The following LRRC7 variants were observed in gnomAD, a reference collection of about 807,000 sequenced individuals.
LRRC7 encodes the protein leucine rich repeat containing 7.
A neutral mutation model predicts 175.7 loss-of-function variants in LRRC7; 23 were observed. The ratio of observed to expected loss-of-function variants is 0.13; its 90% CI spans 0.09 to 0.19. The LOEUF (loss-of-function observed/expected upper bound fraction) is 0.19, where lower values mean the gene tolerates loss of function less well. Among genes scored for constraint, LRRC7 ranks in the 10% least tolerant of loss-of-function variants. LRRC7 has a pLI of 1.00. For missense variants in LRRC7, 1,354 were observed against 1,904.7 expected (o/e 0.71, Z 5.38); for synonymous variants, 685 against 680.9 (o/e 1.01, Z -0.09).
intron 13 of LRRC7, 118 bp downstream of exon 13, chr1:70,013,207 C>G: frequency 2.2e-6 from 1 of 462,844 alleles, no homozygotes; most frequent in Non-Finnish European, 3.9e-6. Context: ...AATGCAAATA[C>G]TGATACTTTC....
chr1:69,652,253 A>AATGAT (rs10633471), intron 1 of LRRC7, among the ~76,000 whole-genome samples: 1 of 151,470 alleles, frequency 6.6e-6, no homozygotes, highest in Admixed American at 6.6e-5. Flanking sequence ...AGAAAACCCT[A>AATGAT]TTCACAAACT....
rs1262564046 is a variant in LRRC7, at chr1:70,132,872, G to A, written c.*10985G>A. Among the ~76,000 whole-genome samples the A allele has an allele frequency of 6.6e-6, 1 of 152,124 alleles. No homozygotes were observed. On this transcript the variant is annotated 3_prime_UTR_variant, in exon 27 of 27. Coordinates refer to ENST00000651989, the MANE Select transcript of LRRC7 (RefSeq NM_001370785.2). ...ATTGTCCTATCATAAGACAGAAAGG[G>A]ACCTTGAGAGGATCTGGTTCATTTG...
intron 2 of LRRC7, among the ~76,000 whole-genome samples, chr1:69,737,097 T>C (rs1384389366): frequency 6.6e-6 from 1 of 152,130 alleles, no homozygotes; most frequent in Non-Finnish European, 1.5e-5. Context: ...CTGCCTGCTT[T>C]GCATTCTTTA....
chr1:69,757,401 G>A (rs1670552302), intron 2 of LRRC7, among the ~76,000 whole-genome samples: 1 of 151,898 alleles, frequency 6.6e-6, no homozygotes, highest in Non-Finnish European at 1.5e-5. Flanking sequence ...GGAGTGAGGA[G>A]GATTCAATGA....
chr1:69,655,994 A>G (rs1656553470), intron 1 of LRRC7, among the ~76,000 whole-genome samples: 1 of 149,866 alleles, frequency 6.7e-6, no homozygotes, highest in African/African-American at 2.5e-5. Context: ...TTTCCAGATA[A>G]GGAGACATTT....
chr1:69,919,503 G>A, intron 7 of LRRC7: 1 of 866,700 alleles, frequency 1.2e-6, no homozygotes, highest in Non-Finnish European at 1.9e-6. Context: ...AAATCTGGCA[G>A]GGGGAGCCCG....
At position 69,637,080 on chromosome 1, in the gene LRRC7, T is replaced by TCTCTCTCTCTCTCTCTCTCTC. The variant is rs1553130024; in HGVS notation, c.3-41301_3-41300insCTCTCTCTCTCTCTCTCTCTC. Among the ~76,000 whole-genome samples the TCTCTCTCTCTCTCTCTCTCTC allele has an allele frequency of 1.1e-3, 157 of 148,686 alleles. 3 individuals carry two copies. The Middle Eastern group carries it at 0.02, about 19-fold the overall frequency. The stretch of plus-strand genomic sequence containing the variant: ...TTCCTTCGCCTTCACCCTTCTCTCT[T>TCTCTCTCTCTCTCTCTCTCTC]TCTCTCTCTCTCTCTCTTCCCCTCC... On this transcript the variant is annotated intron_variant, in intron 1 of 26. Coordinates refer to ENST00000651989, the MANE Select transcript of LRRC7 (RefSeq NM_001370785.2).
At chr1:69,704,291 CTGTT>C (rs946191375) in intron 2 of LRRC7, among the ~76,000 whole-genome samples, 18 of 151,816 alleles carry the variant, frequency 1.2e-4, no homozygotes, top group African/African-American at 4.4e-4. Flanking sequence ...AATAAAATGT[CTGTT>C]TGTGTGTACA....
intron 7 of LRRC7, among the ~76,000 whole-genome samples, chr1:69,897,298 T>G (rs1220175052): frequency 1.3e-5 from 2 of 152,208 alleles, no homozygotes; most frequent in African/African-American, 2.4e-5. Context: ...TCATTATGTT[T>G]CCTCACTTCC....
chr1:69,935,291 T>C (rs1198090451), intron 8 of LRRC7, among the ~76,000 whole-genome samples: 2 of 152,106 alleles, frequency 1.3e-5, no homozygotes, highest in African/African-American at 4.8e-5. Flanking sequence ...AATTTCCTTA[T>C]CCTGTGCTAT....
chr1:70,078,111 C>T (rs1662917495), intron 24 of LRRC7, among the ~76,000 whole-genome samples: 1 of 152,060 alleles, frequency 6.6e-6, no homozygotes, highest in Non-Finnish European at 1.5e-5. Flanking sequence ...GATAAATACT[C>T]GTGGTGATAG....
chr1:69,612,976 G>A (rs1321604032), intron 1 of LRRC7, among the ~76,000 whole-genome samples: 1 of 152,000 alleles, frequency 6.6e-6, no homozygotes, highest in African/African-American at 2.4e-5. Flanking sequence ...TTCTCTATGT[G>A]CCATATTTTT....
At chr1:69,595,079 T>C (rs1303318188) in intron 1 of LRRC7, among the ~76,000 whole-genome samples, 1 of 152,082 alleles carries the variant, frequency 6.6e-6, no homozygotes, top group East Asian at 1.9e-4. Flanking sequence ...GACCAACTCA[T>C]TTAAACCTCA....
chr1:70,046,094 C>T (rs1013130391), intron 22 of LRRC7, among the ~76,000 whole-genome samples: 1 of 152,028 alleles, frequency 6.6e-6, no homozygotes, highest in Non-Finnish European at 1.5e-5. Context: ...GCCTGAACCC[C>T]CCTGAAGTTA....
At chr1:69,576,674 A>G (rs1166464208) in intron 1 of LRRC7, among the ~76,000 whole-genome samples, 1 of 152,210 alleles carries the variant, frequency 6.6e-6, no homozygotes, top group Non-Finnish European at 1.5e-5. Flanking sequence ...CACCATGATG[A>G]CTAAATTAAT....
chr1:69,846,234 T>C (rs1169222438), intron 7 of LRRC7, among the ~76,000 whole-genome samples: 1 of 151,982 alleles, frequency 6.6e-6, no homozygotes. Context: ...AAACACTGAG[T>C]TCTGCCTTGT....
intron 3 of LRRC7, among the ~76,000 whole-genome samples, chr1:69,767,418 C>A (rs778517146): frequency 2.0e-5 from 3 of 152,036 alleles, no homozygotes; most frequent in Admixed American, 6.6e-5. Flanking sequence ...CTCCAATACC[C>A]AAATTCCTCC....
intron 7 of LRRC7, among the ~76,000 whole-genome samples, chr1:69,912,071 A>G (rs1264498882): frequency 2.0e-5 from 3 of 152,176 alleles, no homozygotes; most frequent in Non-Finnish European, 2.9e-5. Flanking sequence ...AGGTGCAACT[A>G]CTATGCCATT....
chr1:69,717,591 G>C (rs1665520789), intron 2 of LRRC7, among the ~76,000 whole-genome samples: 1 of 151,456 alleles, frequency 6.6e-6, no homozygotes, highest in Admixed American at 6.6e-5. Flanking sequence ...TCCTATGAGG[G>C]GGTGGAAAGG....
Sources: allele counts gnomAD v4.1 joint callset (sites outside exome capture counted in the v4.1 genomes callset), GRCh38; gene constraint gnomAD v4.1.1; transcripts MANE v1.5; gene names NCBI Gene and HGNC (gene_info 2026-07-23, HGNC 2026-07-21).